FBXW10: variants seen among roughly 807,000 people sequenced by gnomAD.
FBXW10 encodes the protein F-box and WD repeat domain containing 10, also known as F-box/WD repeat-containing protein 10.
FBXW10 carries 68 observed loss-of-function variants against 113.1 expected under a neutral mutation model. The ratio of observed to expected loss-of-function variants is 0.60; its 90% CI spans 0.49 to 0.74. The LOEUF is 0.74. FBXW10 is among the 30% of genes least tolerant of loss of function. The pLI is 0.00. For missense variants in FBXW10, 753 were observed against 1,284.5 expected (o/e 0.59, Z 6.32); for synonymous variants, 289 against 481.6 (o/e 0.60, Z 5.24).
In FBXW10 at chr17:18,770,064, C is replaced by A. The variant is rs772761166; in HGVS notation, c.1985C>A (p.Ser662Tyr). Residue 662 changes from serine to tyrosine, a missense_variant, in exon 11 of 14, where the codon TCC becomes TAC. Ser to Tyr is a moderately radical substitution (Grantham distance 144). Coordinates refer to ENST00000395665, the MANE Select transcript of FBXW10 (RefSeq NM_001267585.2). Reference protein sequence around the residue: ...KANGRGDPVLSFFIQGNRMVV... With the variant: ...KANGRGDPVLYFFIQGNRMVV... ...AATGGCAGAGGTGATCCTGTGCTGTCCTTCTTTATTCAGGGCAACAGGTGG... is the reference window on the plus strand; with the variant it reads ...AATGGCAGAGGTGATCCTGTGCTGTACTTCTTTATTCAGGGCAACAGGTGG... 14 of 1,614,118 alleles carry A rather than the reference C, an allele frequency of 8.7e-6. No homozygotes were observed. The highest frequency in any genetic ancestry group is 1.7e-4 in the Middle Eastern group (1 of 6,060).
At chr17:18,751,995 A>G (rs546210164) in intron 5 of FBXW10, among the ~76,000 whole-genome samples, 1 of 51,174 alleles carries the variant, frequency 2.0e-5, no homozygotes, top group East Asian at 3.9e-4. Context: ...CACTCTGCTT[A>G]AAGTCTATTT....
At chr17:18,753,594 C>G (rs1207014863) in intron 5 of FBXW10, among the ~76,000 whole-genome samples, 2 of 152,074 alleles carry the variant, frequency 1.3e-5, no homozygotes, top group East Asian at 3.8e-4. Context: ...GAAAAGGGGC[C>G]AGGCGCAGTG....
Position 18,778,787 on chromosome 17 carries a change from G to C in FBXW10, c.2648G>C (p.Ser883Thr), listed in dbSNP as rs754631393. ...CCTCCTATAGATGTGAAACGAACCA[G>C]TATTCCCCTTGAAATCCAGAAACTG... ...SNPPIDVKRTSIPLEIQKLQP... is the reference protein window; with the variant it reads ...SNPPIDVKRTTIPLEIQKLQP... The change falls in exon 14 of 14, where the codon AGT becomes ACT. Residue 883 changes from serine (S) to threonine (T), a missense_variant. Coordinates refer to ENST00000395665, the MANE Select transcript of FBXW10 (RefSeq NM_001267585.2). 2.5e-6 allele frequency: 4 copies of C among 1,613,732 alleles called. No homozygotes were observed. The highest frequency in any genetic ancestry group is 3.4e-6 in the Non-Finnish European group (4 of 1,179,844).
At chr17:18,768,866 A>T (rs868729503) in intron 10 of FBXW10, among the ~76,000 whole-genome samples, 190 bp downstream of exon 10, 2 of 150,822 alleles carry the variant, frequency 1.3e-5, no homozygotes, top group East Asian at 3.9e-4. Context: ...CTGACTGTTA[A>T]CCTCTTCTAC....
At chr17:18,767,349 G>A (rs2035517308) in intron 9 of FBXW10, among the ~76,000 whole-genome samples, 1 of 151,840 alleles carries the variant, frequency 6.6e-6, no homozygotes, top group South Asian at 2.1e-4. Flanking sequence ...GCATGGTGGT[G>A]GGCGCTTGTA....
At chr17:18,762,476 C>A (rs1263264828) in intron 7 of FBXW10, among the ~76,000 whole-genome samples, 3 of 151,774 alleles carry the variant, frequency 2.0e-5, no homozygotes, top group African/African-American at 7.3e-5. Flanking sequence ...TGCCACCACG[C>A]CCGGCGGCTA....
At chr17:18,772,298 C>A in intron 11 of FBXW10, 114 bp from the exon 12 acceptor site, 1 of 986,816 alleles carries the variant, frequency 1.0e-6, no homozygotes, top group Non-Finnish European at 1.5e-6. Context: ...TCTGTTTGGT[C>A]ATCACCTGGG....
intron 8 of FBXW10, among the ~76,000 whole-genome samples, chr17:18,766,205 G>A (rs2035493474): frequency 6.6e-6 from 1 of 152,122 alleles, no homozygotes; most frequent in Non-Finnish European, 1.5e-5. Context: ...ATTTAAAAAT[G>A]TAAGTGAGGG....
intron 7 of FBXW10, among the ~76,000 whole-genome samples, chr17:18,758,816 A>C (rs1467491020): frequency 2.0e-5 from 1 of 49,112 alleles, no homozygotes; most frequent in African/African-American, 6.7e-5. Context: ...AGACTCTTTC[A>C]GGGGAACGTG....
chr17:18,763,534 C>T (rs2035426958), intron 7 of FBXW10, among the ~76,000 whole-genome samples: 1 of 151,990 alleles, frequency 6.6e-6, no homozygotes, highest in Non-Finnish European at 1.5e-5. Flanking sequence ...CCCAGAATCA[C>T]ACAGCTAGTA....
chr17:18,779,113 G>T lies in FBXW10; in HGVS notation c.2974G>T (p.Glu992Ter). The change falls in exon 14 of 14, where the codon GAG (glutamate) becomes TAG (stop). Residue 992 changes from glutamate to a stop codon, truncating the protein, a stop_gained. Transcript: ENST00000395665. LOFTEE classifies it high-confidence loss of function. ...NTEFVLLTVK[E>*]EKEHQEAKMK... ...TGAGTTCGTGCTGTTGACCGTGAAGGAGGAGAAGGAGCACCAGGAAGCCAA... is the reference window on the plus strand; with the variant it reads ...TGAGTTCGTGCTGTTGACCGTGAAGTAGGAGAAGGAGCACCAGGAAGCCAA... The T allele has an allele frequency of 7.4e-7, 1 of 1,348,672 alleles. No individual in the cohort carries two copies. The highest frequency in any genetic ancestry group is 1.2e-5 in the South Asian group (1 of 86,102). The allele number at this position is 1,348,672 out of a possible 1,614,324, so 83.5% of individuals were successfully genotyped here. A position where few individuals can be genotyped will look rare whatever the true frequency, so the allele number is the denominator to read the frequency against.
chr17:18,745,903 A>G (rs2035031628), intron 1 of FBXW10, among the ~76,000 whole-genome samples: 1 of 152,238 alleles, frequency 6.6e-6, no homozygotes, highest in Non-Finnish European at 1.5e-5. Context: ...CCTGAGGCTA[A>G]GTAATTTATA....
intron 7 of FBXW10, among the ~76,000 whole-genome samples, chr17:18,760,009 A>G (rs1303946256): frequency 6.6e-6 from 1 of 152,162 alleles, no homozygotes; most frequent in Non-Finnish European, 1.5e-5. Flanking sequence ...TTTTAAAGGT[A>G]TATTCTTAGT....
chr17:18,773,509 T>TGTAG (rs1416644281), intron 12 of FBXW10, among the ~76,000 whole-genome samples: 1 of 152,198 alleles, frequency 6.6e-6, no homozygotes, highest in Non-Finnish European at 1.5e-5. Context: ...TGTGTGTGTA[T>TGTAG]GTAGGTGGGG....
At chr17:18,763,738 T>C (rs1442370244) in intron 7 of FBXW10, among the ~76,000 whole-genome samples, 1 of 152,244 alleles carries the variant, frequency 6.6e-6, no homozygotes, top group African/African-American at 2.4e-5. Context: ...ATATGCTCTA[T>C]ATGTACATAA....
chr17:18,752,489 C>A (rs879458503), intron 5 of FBXW10, among the ~76,000 whole-genome samples: 4 of 152,022 alleles, frequency 2.6e-5, no homozygotes, highest in Non-Finnish European at 5.9e-5. Context: ...CCGAGGCGGG[C>A]GGATCACTAG....
At position 18,764,736 on chromosome 17, in the gene FBXW10, C is replaced by A; in HGVS notation, c.1434-6C>A. ...CTCTCACATTCTTTTGGCCTGATTC[C>A]TGCAGATACTGGGATCTGAAAAGTG... On this transcript the variant is annotated splice_region_variant and splice_polypyrimidine_tract_variant and intron_variant, in intron 7 of 13. Transcript: ENST00000395665. 1 of 1,613,794 alleles carries A rather than the reference C, an allele frequency of 6.2e-7. No individual in the cohort carries two copies. The highest frequency in any genetic ancestry group is 8.5e-7 in the Non-Finnish European group (1 of 1,179,828).
chr17:18,772,499 G>C lies in FBXW10; in HGVS notation c.2094G>C (p.Lys698Asn). 3.7e-6 allele frequency: 6 copies of C among 1,614,008 alleles called. No homozygotes were observed. The highest frequency in any genetic ancestry group is 5.1e-6 in the Non-Finnish European group (6 of 1,179,858). The change falls in exon 12 of 14, where the codon AAG becomes AAC. Residue 698 changes from lysine to asparagine, a missense_variant. Lys to Asn is a moderately conservative substitution (Grantham distance 94). Transcript: ENST00000395665. ...ATGCCGTGGAAAAAACGAAACAAAA[G>C]AAGAATAAGGAGAAAGAGGAGGAAA... ...WQYAVEKTKQ[K>N]KNKEKEEEKE...
At chr17:18,775,852 A>G (rs1395469403) in intron 13 of FBXW10, among the ~76,000 whole-genome samples, 1 of 151,946 alleles carries the variant, frequency 6.6e-6, no homozygotes, top group Non-Finnish European at 1.5e-5. Flanking sequence ...ACTTAGCAAG[A>G]CCCTTGTCTC....
Sources: gnomAD v4.1 joint callset for allele counts (sites outside exome capture counted in the v4.1 genomes callset) on GRCh38, gnomAD v4.1.1 for gene constraint, MANE v1.5 for transcripts, NCBI Gene and HGNC (gene_info 2026-07-23, HGNC 2026-07-21) for gene names.